Variants in SUSD1 observed in about 807,000 individuals in gnomAD.
The protein encoded by SUSD1 is sushi domain containing 1.
Under a neutral mutation model 86.9 loss-of-function variants are expected in SUSD1, and 65 were observed. That is an observed-to-expected ratio of 0.75 (90% CI 0.61 to 0.92). The LOEUF is 0.92. Ranked by LOEUF, SUSD1 falls within the 40% of genes least tolerant of loss-of-function variation. The pLI is 0.00. For synonymous variants in SUSD1, 346 were observed against 350.0 expected (o/e 0.99, Z 0.13); for missense variants, 850 against 929.7 (o/e 0.91, Z 1.11).
intron 1 of SUSD1, among the ~76,000 whole-genome samples, chr9:112,170,735 A>AGC (rs1463350044): frequency 2.0e-5 from 3 of 151,006 alleles, no homozygotes; most frequent in Non-Finnish European, 4.4e-5. Context: ...AGAGAGAGAG[A>AGC]GCCTTGCTCT....
At chr9:112,049,444 G>A (rs897503005) in intron 15 of SUSD1, among the ~76,000 whole-genome samples, 3 of 152,208 alleles carry the variant, frequency 2.0e-5, no homozygotes, top group Admixed American at 2.0e-4. Flanking sequence ...AAAGACACTT[G>A]GCTGATTAGT....
At chr9:112,161,694 C>A (rs1453672810) in intron 1 of SUSD1, among the ~76,000 whole-genome samples, 2 of 151,834 alleles carry the variant, frequency 1.3e-5, no homozygotes, top group Non-Finnish European at 2.9e-5. Context: ...CAGTGGTATG[C>A]GCCTGTAATC....
chr9:112,097,456 T>C (rs1830446355), intron 10 of SUSD1, among the ~76,000 whole-genome samples: 1 of 135,738 alleles, frequency 7.4e-6, no homozygotes. Context: ...TAGAGTGCAA[T>C]GGCGCAATCT....
chr9:112,050,476 C>T (rs905316553), intron 15 of SUSD1, among the ~76,000 whole-genome samples: 16 of 152,164 alleles, frequency 1.1e-4, no homozygotes, highest in African/African-American at 3.9e-4. Flanking sequence ...ATTTCCTGCA[C>T]AGTATTCTCT....
chr9:112,141,927 AATAT>A (rs34839248), intron 5 of SUSD1, among the ~76,000 whole-genome samples: 1 of 143,356 alleles, frequency 7.0e-6, no homozygotes. Flanking sequence ...GACTTCTGGG[AATAT>A]ATATATATAT....
intron 8 of SUSD1, among the ~76,000 whole-genome samples, chr9:112,109,178 G>C (rs1022914401): frequency 6.6e-6 from 1 of 152,160 alleles, no homozygotes; most frequent in African/African-American, 2.4e-5. Flanking sequence ...GGAAGAAATT[G>C]ACAAAGTTCT....
chr9:112,111,960 C>A (rs1831119586), intron 7 of SUSD1, 120 bp from the exon 8 acceptor site: 1 of 1,031,334 alleles, frequency 9.7e-7, no homozygotes, highest in Non-Finnish European at 1.4e-6. Context: ...AGCCAGGGAG[C>A]ATTCGTAAGG....
At chr9:112,150,507 T>A (rs942813740) in intron 2 of SUSD1, among the ~76,000 whole-genome samples, 2 of 152,238 alleles carry the variant, frequency 1.3e-5, no homozygotes, top group African/African-American at 4.8e-5. Context: ...GGGTGGGTTT[T>A]TTATTATTAT....
At chr9:112,165,990 A>AAAGGAAGG (rs1564358444) in intron 1 of SUSD1, among the ~76,000 whole-genome samples, 1 of 151,684 alleles carries the variant, frequency 6.6e-6, no homozygotes, top group East Asian at 1.9e-4. Flanking sequence ...AGAAAGAAAG[A>AAAGGAAGG]AAGAAAATAA....
At chr9:112,052,467 A>G (rs762557267) in intron 14 of SUSD1, 29 bp from the exon 15 acceptor site, 7 of 1,613,704 alleles carry the variant, frequency 4.3e-6, no homozygotes, top group Non-Finnish European at 5.9e-6. Context: ...CAATGCATTT[A>G]GCTAGGTGGC....
chr9:112,120,900 T>C (rs75419098), intron 6 of SUSD1, among the ~76,000 whole-genome samples: 3,678 of 152,330 alleles, frequency 0.024, 151 homozygotes, highest in African/African-American at 0.084. Flanking sequence ...TCACAAGCTA[T>C]ACCCAGCTCT....
chr9:112,049,803 T>G (rs1191805108), intron 15 of SUSD1, among the ~76,000 whole-genome samples: 2 of 152,212 alleles, frequency 1.3e-5, no homozygotes, highest in Admixed American at 6.5e-5. Flanking sequence ...GAACAGTGTT[T>G]TTCCTATTAT....
chr9:112,158,525 G>C (rs1833435521), intron 1 of SUSD1, among the ~76,000 whole-genome samples: 1 of 151,992 alleles, frequency 6.6e-6, no homozygotes, highest in Non-Finnish European at 1.5e-5. Context: ...CTAAGTAGCT[G>C]GGACTACAGG....
chr9:112,096,930 G>A (rs914816628), intron 10 of SUSD1, among the ~76,000 whole-genome samples: 6 of 152,178 alleles, frequency 3.9e-5, no homozygotes, highest in Non-Finnish European at 8.8e-5. Context: ...AGCTGAAAAT[G>A]TGTTGGGGGG....
chr9:112,094,688 A>C (rs1161414209), intron 10 of SUSD1, among the ~76,000 whole-genome samples: 2 of 152,250 alleles, frequency 1.3e-5, no homozygotes, highest in Admixed American at 1.3e-4. Flanking sequence ...AAGTGAAGGA[A>C]ATAACACTAA....
chr9:112,136,700 T>C (rs1323629189), intron 5 of SUSD1, among the ~76,000 whole-genome samples: 1 of 152,182 alleles, frequency 6.6e-6, no homozygotes, highest in African/African-American at 2.4e-5. Context: ...ATCCTTTCCA[T>C]ACCAGCACTA....
At chr9:112,115,808 CAAAAA>C (rs1406590665) in intron 6 of SUSD1, among the ~76,000 whole-genome samples, 1 of 59,604 alleles carries the variant, frequency 1.7e-5, no homozygotes, top group African/African-American at 5.9e-5. Context: ...GACTCCATTG[CAAAAA>C]AAAAAAAAAA....
At chr9:112,092,098 G>A (rs887526795) in intron 10 of SUSD1, among the ~76,000 whole-genome samples, 5 of 152,190 alleles carry the variant, frequency 3.3e-5, no homozygotes, top group Admixed American at 2.6e-4. Context: ...AGAGAAAACA[G>A]TTGCTAGCTC....
chr9:112,078,244 G>T (rs1829605156), intron 12 of SUSD1, among the ~76,000 whole-genome samples: 1 of 152,154 alleles, frequency 6.6e-6, no homozygotes. Flanking sequence ...CTACTCAAGA[G>T]GCTGAGGCAG....
Sources: gnomAD v4.1 joint callset for allele counts (sites outside exome capture counted in the v4.1 genomes callset) on GRCh38, gnomAD v4.1.1 for gene constraint, MANE v1.5 for transcripts, NCBI Gene and HGNC (gene_info 2026-07-23, HGNC 2026-07-21) for gene names.